NUB1: variants seen among roughly 807,000 people sequenced by gnomAD.
NUB1 encodes NEDD8 ultimate buster 1.
A neutral mutation model predicts 77.1 loss-of-function variants in NUB1; 41 were observed. The ratio of observed to expected loss-of-function variants is 0.53; its 90% CI spans 0.41 to 0.69. The LOEUF (loss-of-function observed/expected upper bound fraction) is 0.69, where lower values mean the gene tolerates loss of function less well. Among genes scored for constraint, NUB1 ranks in the 30% least tolerant of loss-of-function variants. The pLI is 0.00. For missense variants in NUB1, 643 were observed against 743.8 expected (o/e 0.86, Z 1.58); for synonymous variants, 257 against 281.0 (o/e 0.91, Z 0.85).
At chr7:151,357,025 G>T (rs1212363679) in intron 7 of NUB1, among the ~76,000 whole-genome samples, 1 of 151,694 alleles carries the variant, frequency 6.6e-6, no homozygotes, top group Non-Finnish European at 1.5e-5. Context: ...CCGTGTTTTT[G>T]TTTTTTTAAG....
intron 1 of NUB1, among the ~76,000 whole-genome samples, chr7:151,344,895 G>A (rs1372460623): frequency 6.6e-6 from 1 of 152,126 alleles, no homozygotes; most frequent in Admixed American, 6.5e-5. Context: ...AGTGAGTAGG[G>A]AGGCTGATGC....
At chr7:151,367,798 A>G in intron 9 of NUB1, 63 bp from the exon 10 acceptor site, 1 of 998,254 alleles carries the variant, frequency 1.0e-6, no homozygotes, top group Non-Finnish European at 1.5e-6. Context: ...GACAGAGATG[A>G]GTATTATAGA....
At chr7:151,360,387 G>A (rs1456906700) in intron 8 of NUB1, 140 bp downstream of exon 8, 1 of 484,608 alleles carries the variant, frequency 2.1e-6, no homozygotes, top group Non-Finnish European at 3.7e-6. Flanking sequence ...GGTGTAAACT[G>A]GTGAATTTCT....
intron 2 of NUB1, among the ~76,000 whole-genome samples, chr7:151,347,233 C>G (rs758266380): frequency 1.3e-5 from 2 of 151,904 alleles, no homozygotes; most frequent in Non-Finnish European, 2.9e-5. Flanking sequence ...TCTTTTCCTA[C>G]GTAACTATTA....
intron 8 of NUB1, among the ~76,000 whole-genome samples, chr7:151,363,994 A>G (rs1797514507): frequency 6.6e-6 from 1 of 151,280 alleles, no homozygotes; most frequent in African/African-American, 2.4e-5. Flanking sequence ...GGGTTTCACT[A>G]TGTTGGCCAG....
At chr7:151,350,310 G>T (rs1191836145) in intron 3 of NUB1, among the ~76,000 whole-genome samples, 1 of 152,242 alleles carries the variant, frequency 6.6e-6, no homozygotes, top group Non-Finnish European at 1.5e-5. Flanking sequence ...AGAGGTGGTG[G>T]AGCAGAGTCT....
intron 5 of NUB1, among the ~76,000 whole-genome samples, chr7:151,354,251 T>C (rs759827071): frequency 6.6e-6 from 1 of 152,004 alleles, no homozygotes; most frequent in Non-Finnish European, 1.5e-5. Flanking sequence ...TTCTTCCTAC[T>C]CACCTGTGGT....
intron 1 of NUB1, 141 bp from the exon 2 acceptor site, chr7:151,345,207 T>C: frequency 1.9e-6 from 1 of 513,964 alleles, no homozygotes; most frequent in Non-Finnish European, 3.5e-6. Flanking sequence ...AGTCTGGAGC[T>C]CATTTAAACC....
In NUB1 at chr7:151,351,486, A is replaced by G; in HGVS notation, c.344+4A>G. The stretch of plus-strand genomic sequence containing the variant: ...CTGGCAGAGAACTGAGGTCCAAGTA[A>G]GTATCTGTGTGCTCTGTGTCCTAGG... On this transcript the variant is annotated splice_donor_region_variant and intron_variant, in intron 4 of 14. Coordinates refer to ENST00000568733, the MANE Select transcript of NUB1 (RefSeq NM_001243351.2). The G allele has an allele frequency of 6.2e-7, 1 of 1,610,742 alleles. No individual in the cohort carries two copies. The highest frequency in any genetic ancestry group is 8.5e-7 in the Non-Finnish European group (1 of 1,177,404).
rs117412509 is a variant in NUB1 at position 151,355,760 on chromosome 7, T to A, written c.416-8T>A. 0.016 allele frequency: 25,652 copies of A among 1,569,034 alleles called. 292 individuals are homozygous for A. Among genetic ancestry groups the A allele is most frequent in the Non-Finnish European group, 0.02 (22,632 of 1,158,344 alleles). On this transcript the variant is annotated splice_region_variant and splice_polypyrimidine_tract_variant and intron_variant, in intron 5 of 14. Coordinates refer to ENST00000568733, the MANE Select transcript of NUB1 (RefSeq NM_001243351.2). ...TTTTAAAATAATAGGCAGTTCTGAT[T>A]TTTATAGGGAAAACCCTTGAAGAAC...
chr7:151,345,656 ATGT>A (rs1467367806), intron 2 of NUB1, among the ~76,000 whole-genome samples, 190 bp downstream of exon 2: 1 of 152,144 alleles, frequency 6.6e-6, no homozygotes, highest in Non-Finnish European at 1.5e-5. Context: ...TCACATGAGG[ATGT>A]TATCTAATTT....
rs765941059 is a variant in NUB1 at position 151,366,925 on chromosome 7, CCTT to C, written c.801-11_801-9del. On this transcript the variant is annotated splice_polypyrimidine_tract_variant and intron_variant, in intron 8 of 14. Transcript: ENST00000568733. The stretch of plus-strand genomic sequence containing the variant: ...TGCTGCTTGGCAGTGATGTCACTGT[CCTT>C]CTCTTTCCAGTGAGTGTTGCAGAGA... The C allele has an allele frequency of 1.0e-5, 16 of 1,573,338 alleles. No homozygotes were observed. Among genetic ancestry groups the C allele is most frequent in the Non-Finnish European group, 1.4e-5 (16 of 1,158,234 alleles).
At chr7:151,374,670 G>C in intron 12 of NUB1, 1 of 204,366 alleles carries the variant, frequency 4.9e-6, no homozygotes, top group Admixed American at 5.3e-5. Context: ...TTGGCAAAGG[G>C]AGAGCTTTTC....
In NUB1 at chr7:151,376,190, A is replaced by G. The variant is rs148963851; in HGVS notation, c.1491+247A>G. 3.2e-4 allele frequency: 162 copies of G among 504,992 alleles called. 1 individual carries two copies. In the East Asian group the frequency reaches 5.0e-3, roughly 15 times the overall value. The allele number at this position is 504,992 out of a possible 1,614,324, so 31.3% of individuals were successfully genotyped here. A position where few individuals can be genotyped will look rare whatever the true frequency, so the allele number is the denominator to read the frequency against. On this transcript the variant is annotated intron_variant, in intron 13 of 14. Transcript: ENST00000568733. ...CTCTTTAGGTTTGCTGCCTTTGTCTATGCACCACTGTTTGCATCAGCCTCA... is the reference window on the plus strand; with the variant it reads ...CTCTTTAGGTTTGCTGCCTTTGTCTGTGCACCACTGTTTGCATCAGCCTCA...
chr7:151,377,289 C>T lies in NUB1; in HGVS notation c.*64C>T, dbSNP rs760109106. The stretch of plus-strand genomic sequence containing the variant: ...TGCTATCATTATGAAAAGGCTAATG[C>T]AGCTCTTTCTGTTCTTACTTTTTAT... On this transcript the variant is annotated 3_prime_UTR_variant, in exon 15 of 15. Coordinates refer to ENST00000568733, the MANE Select transcript of NUB1 (RefSeq NM_001243351.2). The T allele has an allele frequency of 1.2e-5, 13 of 1,120,596 alleles. No individual in the cohort carries two copies. The highest frequency in any genetic ancestry group is 2.8e-4 in the Middle Eastern group (1 of 3,576). The allele number at this position is 1,120,596 out of a possible 1,614,324, so 69.4% of individuals were successfully genotyped here.
intron 6 of NUB1, 75 bp from the exon 7 acceptor site, chr7:151,356,053 C>G (rs1797049456): frequency 1.3e-6 from 2 of 1,551,118 alleles, no homozygotes; most frequent in African/African-American, 1.4e-5. Context: ...CCTCAACAGT[C>G]TAACATTTTT....
intron 2 of NUB1, among the ~76,000 whole-genome samples, chr7:151,346,657 A>C (rs770296285): frequency 6.6e-6 from 1 of 152,240 alleles, no homozygotes. Context: ...ACACATCCAC[A>C]TGTCGGGATG....
chr7:151,367,645 A>G (rs527358303), intron 9 of NUB1, among the ~76,000 whole-genome samples: 1 of 152,116 alleles, frequency 6.6e-6, no homozygotes, highest in Non-Finnish European at 1.5e-5. Context: ...TGGTGCCCTG[A>G]CACTGACTCT....
chr7:151,357,498 C>G (rs1171934366), intron 7 of NUB1, among the ~76,000 whole-genome samples: 1 of 151,870 alleles, frequency 6.6e-6, no homozygotes, highest in Non-Finnish European at 1.5e-5. Flanking sequence ...TCAGTAGCTT[C>G]TTATAATGAA....
Sources: gnomAD v4.1 joint callset for allele counts (sites outside exome capture counted in the v4.1 genomes callset) on GRCh38, gnomAD v4.1.1 for gene constraint, MANE v1.5 for transcripts, NCBI Gene and HGNC (gene_info 2026-07-23, HGNC 2026-07-21) for gene names.